Variants in CYTH3 observed in about 807,000 individuals in gnomAD.
CYTH3 encodes the protein cytohesin 3.
CYTH3 carries 23 observed loss-of-function variants against 55.1 expected under a neutral mutation model. The observed-to-expected ratio is 0.42, with a 90% confidence interval of 0.30 to 0.59. The LOEUF is 0.59. Among genes scored for constraint, CYTH3 ranks in the 20% least tolerant of loss-of-function variants. The pLI is 0.20. For missense variants in CYTH3, 413 were observed against 524.8 expected, an observed-to-expected ratio of 0.79 and a Z score of 2.08; for synonymous variants, 249 against 194.9, an observed-to-expected ratio of 1.28 and a Z score of -2.31.
intron 1 of CYTH3, among the ~76,000 whole-genome samples, chr7:6,256,886 G>T (rs7805483): frequency 0.046 from 6,958 of 152,216 alleles, 541 homozygotes; most frequent in African/African-American, 0.16. Flanking sequence ...AACGTGTGGC[G>T]AGCAAGAGCT....
intron 1 of CYTH3, 22 bp from the exon 2 acceptor site, chr7:6,190,553 T>G (rs1453232302): frequency 6.7e-7 from 1 of 1,495,280 alleles, no homozygotes; most frequent in South Asian, 1.3e-5. Context: ...AAAAAATAAT[T>G]AACTACTTTG....
At chr7:6,235,970 T>G (rs956783920) in intron 1 of CYTH3, among the ~76,000 whole-genome samples, 3 of 152,236 alleles carry the variant, frequency 2.0e-5, no homozygotes, top group African/African-American at 7.2e-5. Context: ...TTTCTTCACC[T>G]AGGATTGGCT....
At chr7:6,240,498 C>G (rs1023730471) in intron 1 of CYTH3, among the ~76,000 whole-genome samples, 1 of 152,016 alleles carries the variant, frequency 6.6e-6, no homozygotes, top group Non-Finnish European at 1.5e-5. Context: ...CCATGTCATG[C>G]TGGCATCTGA....
At chr7:6,208,867 A>C (rs994938111) in intron 1 of CYTH3, among the ~76,000 whole-genome samples, 1 of 152,192 alleles carries the variant, frequency 6.6e-6, no homozygotes, top group Non-Finnish European at 1.5e-5. Context: ...AACATGGTCT[A>C]AAGATCTTCT....
At chr7:6,229,537 C>T (rs769116139) in intron 1 of CYTH3, among the ~76,000 whole-genome samples, 4 of 151,398 alleles carry the variant, frequency 2.6e-5, no homozygotes, top group Non-Finnish European at 5.9e-5. Context: ...GGGCTGGGCG[C>T]AGTGGTTCAC....
chr7:6,261,298 T>G lies in CYTH3; in HGVS notation c.34+11176A>C, dbSNP rs1780346455. Among the ~76,000 whole-genome samples, 6 of 152,070 alleles carry G rather than the reference T, an allele frequency of 3.9e-5. No homozygotes were observed. The South Asian group carries it at 1.2e-3, about 31-fold the overall frequency. On this transcript the variant is annotated intron_variant, in intron 1 of 12. Coordinates refer to ENST00000350796, the MANE Select transcript of CYTH3 (RefSeq NM_004227.4). ...CTTAGGGGACTGAGGGGACAAAAATTAGAGTTCAGGGGCTGCCAAGTAGAA... is the reference window on the plus strand; with the variant it reads ...CTTAGGGGACTGAGGGGACAAAAATGAGAGTTCAGGGGCTGCCAAGTAGAA...
At chr7:6,197,664 CAAG>C (rs1382152335) in intron 1 of CYTH3, among the ~76,000 whole-genome samples, 1 of 151,932 alleles carries the variant, frequency 6.6e-6, no homozygotes, top group Non-Finnish European at 1.5e-5. Flanking sequence ...GCCTGGGCAA[CAAG>C]AGTGGAACTC....
chr7:6,171,357 C>A lies in CYTH3; in HGVS notation c.450-43G>T. The A allele has an allele frequency of 6.3e-7, 1 of 1,591,890 alleles. No individual in the cohort carries two copies. The highest frequency in any genetic ancestry group is 1.1e-5 in the South Asian group (1 of 90,564). Reference sequence around the variant, plus strand: ...CCATGGGAAGCCGCATCAGAACCAACACCGCCTCACGGCCAAGGGCGGCTT... The same window carrying A: ...CCATGGGAAGCCGCATCAGAACCAAAACCGCCTCACGGCCAAGGGCGGCTT... On this transcript the variant is annotated intron_variant, in intron 6 of 12. Transcript: ENST00000350796. The surrounding 1 kb of genome is among the most constrained non-coding windows in gnomAD (Gnocchi z 6.7).
intron 1 of CYTH3, among the ~76,000 whole-genome samples, chr7:6,259,867 G>T (rs1780305025): frequency 2.0e-5 from 2 of 100,436 alleles, no homozygotes; most frequent in African/African-American, 4.4e-5. Flanking sequence ...TTTCGCTCTT[G>T]TTGCCCAGGC....
chr7:6,202,705 C>G (rs905054065), intron 1 of CYTH3, among the ~76,000 whole-genome samples: 6 of 152,252 alleles, frequency 3.9e-5, no homozygotes, highest in East Asian at 3.9e-4. Flanking sequence ...GTGATCCGCC[C>G]GCCTTGGCCT....
chr7:6,241,655 A>C (rs768318815), intron 1 of CYTH3, among the ~76,000 whole-genome samples: 6 of 152,024 alleles, frequency 3.9e-5, no homozygotes, highest in Non-Finnish European at 7.3e-5. Flanking sequence ...AGTGCCCATC[A>C]ATAAGGTACT....
At chr7:6,193,471 G>A (rs1562889776) in intron 1 of CYTH3, among the ~76,000 whole-genome samples, 1 of 152,056 alleles carries the variant, frequency 6.6e-6, no homozygotes, top group African/African-American at 2.4e-5. Context: ...AAAGAGAATG[G>A]AAACAGAAAG....
chr7:6,182,805 C>T (rs1048004082), intron 4 of CYTH3, among the ~76,000 whole-genome samples: 3 of 152,140 alleles, frequency 2.0e-5, no homozygotes, highest in East Asian at 1.9e-4. Flanking sequence ...CCGCCCTCCC[C>T]GCCTCTATTG....
At chr7:6,176,369 C>A (rs1025053305) in intron 5 of CYTH3, among the ~76,000 whole-genome samples, 2 of 145,996 alleles carry the variant, frequency 1.4e-5, no homozygotes, top group Non-Finnish European at 3.0e-5. Flanking sequence ...TCACGTCATT[C>A]TCCTGCCTCA....
In CYTH3 at chr7:6,171,019, A is replaced by G; in HGVS notation, c.563-41T>C. On this transcript the variant is annotated intron_variant, in intron 7 of 12. Transcript: ENST00000350796. The surrounding 1 kb of genome is among the most constrained non-coding windows in gnomAD (Gnocchi z 6.7). ...GGTGCTGGGCTCAGCCAGAACCTCC[A>G]GTGGACAGTGGGACCCCGCGTGCTG... 6.2e-7 allele frequency: 1 copy of G among 1,611,122 alleles called. No homozygotes were observed. The highest frequency in any genetic ancestry group is 8.5e-7 in the Non-Finnish European group (1 of 1,178,906).
Position 6,190,470 on chromosome 7 carries a change from CT to C in CYTH3, c.95del (p.Lys32ArgfsTer10). 1 of 1,352,824 alleles carries C rather than the reference CT, an allele frequency of 7.4e-7. No individual in the cohort carries two copies. The highest frequency in any genetic ancestry group is 9.7e-7 in the Non-Finnish European group (1 of 1,033,546). The allele number at this position is 1,352,824 out of a possible 1,614,324, so 83.8% of individuals were successfully genotyped here. A position where few individuals can be genotyped will look rare whatever the true frequency, so the allele number is the denominator to read the frequency against. ...TTACCTCAATGTCATCAATAAGTTC[CT>C]TTTTTCTTCGACGAATGTCTAGAAG... ...EELLDIRRRK[K>X]ELIDDIERLK... On this transcript the variant is annotated frameshift_variant, in exon 2 of 13. Transcript: ENST00000350796. LOFTEE classifies it high-confidence loss of function.
At chr7:6,183,143 C>T (rs1783550201) in intron 4 of CYTH3, among the ~76,000 whole-genome samples, 1 of 152,216 alleles carries the variant, frequency 6.6e-6, no homozygotes, top group South Asian at 2.1e-4. Context: ...CCTGGAGACA[C>T]AATCACTGCT....
chr7:6,168,822 G>A (rs534991354), intron 9 of CYTH3, among the ~76,000 whole-genome samples: 1 of 152,328 alleles, frequency 6.6e-6, no homozygotes, highest in South Asian at 2.1e-4. Flanking sequence ...GGGTCACATT[G>A]GCTGCCAGGC....
At chr7:6,168,065 CAA>C (rs1783062053) in intron 9 of CYTH3, among the ~76,000 whole-genome samples, 1 of 152,204 alleles carries the variant, frequency 6.6e-6, no homozygotes, top group Non-Finnish European at 1.5e-5. Context: ...CGCCTGCAGA[CAA>C]GAGCCTGGCT....
Sources: allele counts gnomAD v4.1 joint callset (sites outside exome capture counted in the v4.1 genomes callset), GRCh38; gene constraint gnomAD v4.1.1; non-coding constraint Gnocchi (gnomAD v3.1); transcripts MANE v1.5; gene names NCBI Gene and HGNC (gene_info 2026-07-23, HGNC 2026-07-21).